PPRC1: variants seen among roughly 807,000 people sequenced by gnomAD.
PPRC1 encodes peroxisome proliferator-activated receptor gamma coactivator-related protein 1.
PPRC1 carries 23 observed loss-of-function variants against 132.5 expected under a neutral mutation model. The ratio of observed to expected loss-of-function variants is 0.17; its 90% CI spans 0.12 to 0.25. The LOEUF (loss-of-function observed/expected upper bound fraction) is 0.25. PPRC1 is among the 10% of genes least tolerant of loss of function. PPRC1 has a pLI of 1.00. For missense variants in PPRC1, 2,006 were observed against 2,089.1 expected, an observed-to-expected ratio of 0.96 and a Z score of 0.78; for synonymous variants, 872 against 833.5, an observed-to-expected ratio of 1.05 and a Z score of -0.80.
chr10:102,147,423 C>T (rs2069313089), intron 9 of PPRC1, 31 bp downstream of exon 9: 1 of 1,565,880 alleles, frequency 6.4e-7, no homozygotes, highest in Non-Finnish European at 8.6e-7. Flanking sequence ...AGGTCCTCTC[C>T]ATTTAGGAAG....
At chr10:102,132,889 C>T (rs1017221967), upstream of PPRC1, 1 of 903,138 alleles carries the variant, frequency 1.1e-6, no homozygotes, top group Admixed American at 4.3e-5. Flanking sequence ...GGGACTACTA[C>T]TCCCAGGAAC....
At chr10:102,143,693 G>A (rs2069098389) in intron 6 of PPRC1, among the ~76,000 whole-genome samples, 1 of 151,924 alleles carries the variant, frequency 6.6e-6, no homozygotes, top group South Asian at 2.1e-4. Flanking sequence ...GGCATTGAAA[G>A]ACAGGTAGGA....
rs2069409615 is a variant in PPRC1, at chr10:102,149,271, C to G, written c.4833C>G (p.Pro1611=). The G allele has an allele frequency of 3.1e-6, 5 of 1,612,134 alleles. No individual in the cohort carries two copies. The highest frequency in any genetic ancestry group is 1.3e-5 in the African/African-American group (1 of 74,840). ...AGCTGCGGCAGGCAGATGAGCAGCC[C>G]TTTGATCTCTGCTTTGGGGGCCGAA... ...GHKLRQADEQ[P]FDLCFGGRRQ... is the part of the protein sequence containing the mutation. The change falls in exon 13 of 14, where the codon CCC becomes CCG. Residue 1611 remains proline (P), a synonymous_variant. Transcript: ENST00000278070.
chr10:102,131,587 G>A (rs912347199), upstream of PPRC1, among the ~76,000 whole-genome samples: 1 of 152,118 alleles, frequency 6.6e-6, no homozygotes, highest in Non-Finnish European at 1.5e-5. Flanking sequence ...AAAGTGCAAA[G>A]GTACATGTAC....
At chr10:102,124,770 G>T in the PPRC1 span, among the ~76,000 whole-genome samples, 1 of 151,344 alleles carries the variant, frequency 6.6e-6, no homozygotes, top group Non-Finnish European at 1.5e-5. Context: ...AGCCTCCCAA[G>T]TAGCTAGGAC....
rs760298779 is a variant in PPRC1 at position 102,137,894 on chromosome 10, C to T, written c.198C>T (p.Leu66=). The T allele has an allele frequency of 1.9e-6, 3 of 1,614,100 alleles. No individual in the cohort carries two copies. Among genetic ancestry groups the T allele is most frequent in the Admixed American group, 1.7e-5 (1 of 60,000 alleles). Residue 66 remains leucine (L), a synonymous_variant, in exon 2 of 14, where the codon CTC becomes CTT. Coordinates refer to ENST00000278070, the MANE Select transcript of PPRC1 (RefSeq NM_015062.5). ...CGGGTGATTCTGGCTTTGTCAGTCT[C>T]TCTCGGCTGGGCCCATCTCTGAGGG... is the stretch of plus-strand genomic sequence containing the variant. ...EEAGDSGFVS[L]SRLGPSLRDK... is the part of the protein sequence containing the mutation.
intron 9 of PPRC1, among the ~76,000 whole-genome samples, chr10:102,147,812 C>G (rs2069330093): frequency 6.6e-6 from 1 of 152,236 alleles, no homozygotes; most frequent in Non-Finnish European, 1.5e-5. Flanking sequence ...TTGGGTGTCA[C>G]TATGGCCTCA....
rs17847381 is a variant in PPRC1, at chr10:102,150,186, T to C, written c.*157T>C. On this transcript the variant is annotated 3_prime_UTR_variant, in exon 14 of 14. Transcript: ENST00000278070. ...AAAAAATATGTTGAATCAGATTTTT[T>C]AAAAGGGGTATTTGTTTTTTTATAA... The C allele has an allele frequency of 1.7e-6, 1 of 589,414 alleles. No individual in the cohort carries two copies. Among genetic ancestry groups the C allele is most frequent in the African/African-American group, 1.9e-5 (1 of 53,450 alleles). The allele number at this position is 589,414 out of a possible 1,614,324, so 36.5% of individuals were successfully genotyped here. A position where few individuals can be genotyped will look rare whatever the true frequency, so the allele number is the denominator to read the frequency against.
At chr10:102,125,257 A>ATTT in the PPRC1 span, among the ~76,000 whole-genome samples, 4 of 119,778 alleles carry the variant, frequency 3.3e-5, no homozygotes, top group East Asian at 2.3e-4. Context: ...CACCCAGTTA[A>ATTT]TTTTTTTTTT....
At chr10:102,133,848 G>A (rs1386333777) in intron 1 of PPRC1, among the ~76,000 whole-genome samples, 2 of 152,074 alleles carry the variant, frequency 1.3e-5, no homozygotes, top group Non-Finnish European at 2.9e-5. Flanking sequence ...GGAAGGTAAG[G>A]GCTGCTAGAG....
chr10:102,124,261 C>T, the PPRC1 span, among the ~76,000 whole-genome samples: 4 of 151,876 alleles, frequency 2.6e-5, no homozygotes, highest in South Asian at 4.2e-4. Flanking sequence ...GATGGGGTTT[C>T]GCCATGTTAG....
Position 102,137,912 on chromosome 10 carries a change from T to A in PPRC1, c.216T>A (p.Ser72=), listed in dbSNP as rs986440633. 2 of 1,613,994 alleles carry A rather than the reference T, an allele frequency of 1.2e-6. No individual in the cohort carries two copies. Among genetic ancestry groups the A allele is most frequent in the African/African-American group, 2.7e-5 (2 of 74,888 alleles). Residue 72 remains serine (S), a synonymous_variant, in exon 2 of 14, where the codon TCT becomes TCA. Coordinates refer to ENST00000278070, the MANE Select transcript of PPRC1 (RefSeq NM_015062.5). The part of the protein sequence containing the change: ...GFVSLSRLGP[S]LRDKDLEMEE... ...TCAGTCTCTCTCGGCTGGGCCCATC[T>A]CTGAGGGACAAGGACCTGGAAATGG...
intron 12 of PPRC1, 76 bp from the exon 13 acceptor site, chr10:102,149,102 C>T: frequency 6.6e-7 from 1 of 1,526,260 alleles, no homozygotes; most frequent in Non-Finnish European, 8.8e-7. Flanking sequence ...ACCTCTGTAC[C>T]TTGGGATGCT....
the PPRC1 span, among the ~76,000 whole-genome samples, chr10:102,120,825 G>C: frequency 6.6e-6 from 1 of 152,100 alleles, no homozygotes; most frequent in Non-Finnish European, 1.5e-5. Context: ...AGGCGGAGCC[G>C]GGGTGGGCAG....
intron 1 of PPRC1, among the ~76,000 whole-genome samples, chr10:102,135,259 G>A (rs1052432532): frequency 5.3e-5 from 8 of 152,344 alleles, no homozygotes; most frequent in African/African-American, 1.9e-4. Context: ...AGGAGGAAGA[G>A]AGCATGGCTT....
intron 6 of PPRC1, among the ~76,000 whole-genome samples, chr10:102,143,986 A>T (rs1000093356): frequency 3.9e-5 from 6 of 152,260 alleles, no homozygotes; most frequent in African/African-American, 1.4e-4. Flanking sequence ...CAGATCATAG[A>T]TCACCTTGAA....
chr10:102,124,641 A>ATTTTT, the PPRC1 span, among the ~76,000 whole-genome samples: 3 of 116,990 alleles, frequency 2.6e-5, no homozygotes, highest in African/African-American at 1.0e-4. Flanking sequence ...GTGCCTGGCC[A>ATTTTT]TTTTTTTTTT....
chr10:102,140,171 C>G lies in PPRC1; in HGVS notation c.1663C>G (p.Leu555Val). The G allele has an allele frequency of 1.9e-6, 3 of 1,614,236 alleles. No homozygotes were observed. The highest frequency in any genetic ancestry group is 2.5e-6 in the Non-Finnish European group (3 of 1,180,040). The change falls in exon 5 of 14, where the codon CTA becomes GTA. Residue 555 changes from leucine to valine, a missense_variant. This residue lies in a region of PPRC1 where 1,914 missense variants were observed against 1,917.2 expected (regional missense o/e 1.00). Coordinates refer to ENST00000278070, the MANE Select transcript of PPRC1 (RefSeq NM_015062.5). ...GQSSPAKEGPLDLYPKLADTI... is the reference protein window; with the variant it reads ...GQSSPAKEGPVDLYPKLADTI... Reference sequence around the variant, plus strand: ...AAGTAGTCCTGCTAAAGAAGGCCCTCTAGACCTCTACCCAAAGCTGGCTGA... The same window carrying G: ...AAGTAGTCCTGCTAAAGAAGGCCCTGTAGACCTCTACCCAAAGCTGGCTGA...
Position 102,141,781 on chromosome 10 carries a change from T to A in PPRC1, c.3273T>A (p.Thr1091=). 1 of 1,613,896 alleles carries A rather than the reference T, an allele frequency of 6.2e-7. No individual in the cohort carries two copies. Residue 1091 remains threonine, a synonymous_variant, in exon 5 of 14, where the codon ACT becomes ACA. Transcript: ENST00000278070. ...ALACVSAEGV[T]VEEPASERLK... is the part of the protein sequence containing the mutation. ...CATGTGTGTCTGCTGAAGGTGTGAC[T>A]GTTGAGGAGCCTGCATCAGAGAGGC...
Sources: allele counts gnomAD v4.1 joint callset (sites outside exome capture counted in the v4.1 genomes callset), GRCh38; gene constraint gnomAD v4.1.1; regional missense constraint gnomAD v4.1.1; transcripts MANE v1.5; gene names NCBI Gene and HGNC (gene_info 2026-07-23, HGNC 2026-07-21).